The following NICOL1 variants were observed in gnomAD, a reference collection of about 807,000 sequenced individuals.
NICOL1 encodes the protein NELL2-interacting cell ontogeny regulator 1.
At chr4:2,043,925 G>A in the NICOL1 span, 8 of 1,547,860 alleles carry the variant, frequency 5.2e-6, 1 homozygote, top group Middle Eastern at 7.0e-4. Flanking sequence ...GCGGGGCACT[G>A]AGGACCACGC....
the NICOL1 span, among the ~76,000 whole-genome samples, chr4:2,040,534 G>A: frequency 1.3e-5 from 2 of 152,204 alleles, no homozygotes; most frequent in Non-Finnish European, 2.9e-5. Context: ...CCGCGGCCCC[G>A]GCAACAGCGC....
At chr4:2,042,517 GGCGGGGCTGGCGACAGGGGCGT>G in the NICOL1 span, 2 of 421,794 alleles carry the variant, frequency 4.7e-6, no homozygotes, top group African/African-American at 4.1e-5. Context: ...CGGGGAGCGG[GGCGGGGCTGGCGACAGGGGCGT>G]GCGGGGCCGG....
At chr4:2,042,865 G>T in the NICOL1 span, 1 of 1,359,492 alleles carries the variant, frequency 7.4e-7, no homozygotes, top group Non-Finnish European at 9.8e-7. Flanking sequence ...GGCTTCCCAG[G>T]GGGTGGGGAG....
the NICOL1 span, among the ~76,000 whole-genome samples, chr4:2,043,099 C>T: frequency 3.8e-3 from 584 of 152,316 alleles, no homozygotes; most frequent in African/African-American, 0.013. Context: ...GACCGCCACT[C>T]CTGAGGGCTG....
the NICOL1 span, chr4:2,042,783 C>T: frequency 2.0e-6 from 3 of 1,518,246 alleles, no homozygotes; most frequent in Non-Finnish European, 2.6e-6. Context: ...GCAGCGCGCC[C>T]TGCAGGACCT....
chr4:2,042,400 C>CTG, the NICOL1 span: 1,298 of 505,402 alleles, frequency 2.6e-3, 7 homozygotes, highest in Middle Eastern at 7.2e-3. Flanking sequence ...GCCGCCGCCG[C>CTG]CGCTGCTGCT....
At chr4:2,040,987 G>A in the NICOL1 span, among the ~76,000 whole-genome samples, 1 of 152,108 alleles carries the variant, frequency 6.6e-6, no homozygotes, top group African/African-American at 2.4e-5. Context: ...TGGGGGTAGA[G>A]GTCGGCTAGG....
At chr4:2,043,756 T>A in the NICOL1 span, 2 of 875,048 alleles carry the variant, frequency 2.3e-6, no homozygotes, top group South Asian at 3.4e-5. Context: ...TGACCTTGTC[T>A]GTCTCAGGAG....
chr4:2,042,784 T>C, the NICOL1 span: 1 of 1,518,010 alleles, frequency 6.6e-7, no homozygotes, highest in East Asian at 2.6e-5. Context: ...CAGCGCGCCC[T>C]GCAGGACCTG....
chr4:2,042,936 G>A, the NICOL1 span: 2 of 673,676 alleles, frequency 3.0e-6, no homozygotes, highest in South Asian at 2.2e-5. Context: ...CCTTCACCCC[G>A]ATTTAAGATG....
the NICOL1 span, chr4:2,042,201 G>T: frequency 2.8e-6 from 4 of 1,426,038 alleles, no homozygotes; most frequent in Non-Finnish European, 3.6e-6. Flanking sequence ...CCGGGCCCGG[G>T]GTGGGTGGGT....
At chr4:2,043,359 G>A in the NICOL1 span, among the ~76,000 whole-genome samples, 74 of 152,220 alleles carry the variant, frequency 4.9e-4, no homozygotes, top group African/African-American at 1.7e-3. Flanking sequence ...TGTTTGTGCC[G>A]GGGCTCAAGC....
chr4:2,041,710 C>G, the NICOL1 span: 1 of 417,448 alleles, frequency 2.4e-6, no homozygotes, highest in South Asian at 4.7e-5. Context: ...CAGGATCGCT[C>G]CTGACCTGCT....
chr4:2,040,660 G>C, the NICOL1 span, among the ~76,000 whole-genome samples: 10 of 152,292 alleles, frequency 6.6e-5, no homozygotes, highest in Non-Finnish European at 8.8e-5. Flanking sequence ...CACTCGGGAG[G>C]GCCGCTGCCT....
chr4:2,042,898 C>G, the NICOL1 span: 1 of 1,049,668 alleles, frequency 9.5e-7, no homozygotes, highest in Non-Finnish European at 1.3e-6. Flanking sequence ...GAGGAAGAGG[C>G]CCCCTGCGGG....
chr4:2,042,898 C>T, the NICOL1 span: 16 of 1,049,550 alleles, frequency 1.5e-5, no homozygotes, highest in South Asian at 2.5e-4. Context: ...GAGGAAGAGG[C>T]CCCCTGCGGG....
chr4:2,042,037 CGCGCTGCTGGTCCCGGGGTCCCT>C, the NICOL1 span: 1 of 1,477,268 alleles, frequency 6.8e-7, no homozygotes, highest in Non-Finnish European at 8.9e-7. Flanking sequence ...CCGGTGTCCC[CGCGCTGCTGGTCCCGGGGTCCCT>C]GAACCGCGGT....
At chr4:2,037,052 G>A in the NICOL1 span, among the ~76,000 whole-genome samples, 1 of 152,090 alleles carries the variant, frequency 6.6e-6, no homozygotes, top group African/African-American at 2.4e-5. Context: ...CCCCTTTGCT[G>A]TTCTCATGAT....
the NICOL1 span, chr4:2,041,910 C>A: frequency 7.4e-7 from 1 of 1,360,362 alleles, no homozygotes. Context: ...GTCCTAGGTT[C>A]CTCTAAACCC....
Sources: allele counts gnomAD v4.1 joint callset (sites outside exome capture counted in the v4.1 genomes callset), GRCh38; gene constraint gnomAD v4.1.1; transcripts MANE v1.5; gene names NCBI Gene and HGNC (gene_info 2026-07-23, HGNC 2026-07-21).